The following SOHLH1 variants were observed in gnomAD, a reference collection of about 807,000 sequenced individuals.
The protein encoded by SOHLH1 is spermatogenesis- and oogenesis-specific basic helix-loop-helix-containing protein 1.
Under a neutral mutation model 36.2 loss-of-function variants are expected in SOHLH1, and 23 were observed. The ratio of observed to expected loss-of-function variants is 0.64; its 90% CI spans 0.46 to 0.90. SOHLH1 has a LOEUF of 0.90. SOHLH1 is among the 40% of genes least tolerant of loss of function. SOHLH1 has a pLI of 0.00. For missense variants in SOHLH1, 608 were observed against 517.0 expected (o/e 1.18, Z -1.71); for synonymous variants, 289 against 228.3 (o/e 1.27, Z -2.40).
At position 135,694,388 on chromosome 9, in the gene SOHLH1, C is replaced by G; in HGVS notation, c.945G>C (p.Pro315=). The G allele has an allele frequency of 6.2e-7, 1 of 1,612,664 alleles. No individual in the cohort carries two copies. The highest frequency in any genetic ancestry group is 8.5e-7 in the Non-Finnish European group (1 of 1,179,690). The change falls in exon 7 of 8, where the codon CCG becomes CCC. Residue 315 remains proline, a splice_region_variant and synonymous_variant. Coordinates refer to ENST00000425225, the MANE Select transcript of SOHLH1 (RefSeq NM_001101677.2). ...FLLTAGPSSW[P]GSLEGRGGSG... is the part of the protein sequence containing the mutation. ...CCCTGAACCCAGGGCCCCACTCACC[C>G]GGCCACGAGCTGGGACCAGCAGTCA...
Position 135,697,509 on chromosome 9 carries a change from G to C in SOHLH1, c.464C>G (p.Thr155Ser). The change falls in exon 4 of 8, where the codon ACT becomes AGT. Residue 155 changes from threonine to serine, a missense_variant. Thr to Ser is a moderately conservative substitution (Grantham distance 58). Coordinates refer to ENST00000425225, the MANE Select transcript of SOHLH1 (RefSeq NM_001101677.2). ...PDPGTGASSG[T>S]RTPDVKAFLE... ...GCGGGCCCCAGGAGACACTAACCGA[G>C]TCCCGCTGGACGCTCCCGTCCCAGG... 3 of 1,610,428 alleles carry C rather than the reference G, an allele frequency of 1.9e-6. No homozygotes were observed. Among genetic ancestry groups the C allele is most frequent in the Non-Finnish European group, 2.5e-6 (3 of 1,179,314 alleles).
chr9:135,700,715 A>G (rs1054489785), upstream of SOHLH1, among the ~76,000 whole-genome samples: 2 of 152,078 alleles, frequency 1.3e-5, no homozygotes, highest in Admixed American at 6.5e-5. Context: ...TATGTAATAT[A>G]AGGTGGTGTC....
intron 3 of SOHLH1, among the ~76,000 whole-genome samples, chr9:135,698,001 T>G (rs142490739): frequency 6.6e-6 from 1 of 151,832 alleles, no homozygotes; most frequent in Non-Finnish European, 1.5e-5. Flanking sequence ...AGAGAAATGA[T>G]CTAGGGGGTG....
intron 7 of SOHLH1, 191 bp downstream of exon 7, chr9:135,694,196 A>G: frequency 6.9e-7 from 1 of 1,443,334 alleles, no homozygotes; most frequent in Non-Finnish European, 9.1e-7. Context: ...GTTCACTCAC[A>G]CACTCACATA....
intron 2 of SOHLH1, 106 bp downstream of exon 2, chr9:135,698,889 C>T: frequency 1.3e-6 from 2 of 1,534,324 alleles, no homozygotes; most frequent in Non-Finnish European, 1.8e-6. Context: ...GGGCACAGGC[C>T]ACGAGCCCCT....
At chr9:135,697,777 A>G in intron 3 of SOHLH1, 150 bp from the exon 4 acceptor site, 1 of 965,348 alleles carries the variant, frequency 1.0e-6, no homozygotes, top group Middle Eastern at 2.2e-4. Context: ...CAGGTTGACA[A>G]CGAGGCTGAG....
chr9:135,699,949 T>G (rs547608235), upstream of SOHLH1, among the ~76,000 whole-genome samples: 1 of 151,874 alleles, frequency 6.6e-6, no homozygotes. Context: ...GGTACCCGCC[T>G]GCTCCCCAGT....
intron 1 of SOHLH1, 45 bp downstream of exon 1, chr9:135,699,358 A>G (rs771260690): frequency 1.1e-5 from 17 of 1,583,452 alleles, no homozygotes; most frequent in African/African-American, 1.3e-5. Flanking sequence ...CCCTGGGTAC[A>G]GGCCTTGGGC....
At position 135,699,039 on chromosome 9, in the gene SOHLH1, G is replaced by A. The variant is rs1293986221; in HGVS notation, c.153C>T (p.Pro51=). ...PPKAPTVAEG[P]SSCLRRNVIS... is the part of the protein sequence containing the mutation. ...TCACGTTCCGCCGAAGGCAGGAGCT[G>A]GGACCCTCGGCCACCGTAGGGGCCT... The change falls in exon 2 of 8, where the codon CCC becomes CCT. Residue 51 remains proline, a synonymous_variant. Coordinates refer to ENST00000425225, the MANE Select transcript of SOHLH1 (RefSeq NM_001101677.2). 1.2e-6 allele frequency: 2 copies of A among 1,611,520 alleles called. No homozygotes were observed. The highest frequency in any genetic ancestry group is 1.7e-6 in the Non-Finnish European group (2 of 1,179,726).
intron 2 of SOHLH1, among the ~76,000 whole-genome samples, chr9:135,698,757 C>T (rs769757764): frequency 1.3e-5 from 2 of 152,252 alleles, no homozygotes; most frequent in African/African-American, 2.4e-5. Flanking sequence ...CAGTCAGAAG[C>T]ACAGAGGGTC....
chr9:135,694,956 G>C (rs1187148560), intron 6 of SOHLH1, 94 bp downstream of exon 6: 2 of 1,347,218 alleles, frequency 1.5e-6, no homozygotes, highest in Non-Finnish European at 2.0e-6. Context: ...TGCCGAGAAA[G>C]TGGGCCCAAG....
Position 135,695,161 on chromosome 9 carries a change from A to C in SOHLH1, c.764T>G (p.Val255Gly), listed in dbSNP as rs1159147148. 1 of 1,602,756 alleles carries C rather than the reference A, an allele frequency of 6.2e-7. No homozygotes were observed. Among genetic ancestry groups the C allele is most frequent in the Non-Finnish European group, 8.5e-7 (1 of 1,176,552 alleles). ...PPFSQQQTLP[V>G]MSGEALGWLG... ...CCAGCCAAGGGCCTCCCCGCTCATC[A>C]CGGGCAAGGTCTGCTGCTGCGAGAA... Residue 255 changes from valine to glycine, a missense_variant, in exon 6 of 8, where the codon GTG becomes GGG. Transcript: ENST00000425225.
At chr9:135,696,855 G>A in intron 4 of SOHLH1, 50 bp from the exon 5 acceptor site, 4 of 1,592,386 alleles carry the variant, frequency 2.5e-6, no homozygotes, top group South Asian at 1.1e-5. Flanking sequence ...CCAGCCCCCT[G>A]GAAGGCTGCC....
At chr9:135,696,063 C>T (rs1222673746) in intron 5 of SOHLH1, among the ~76,000 whole-genome samples, 1 of 141,722 alleles carries the variant, frequency 7.1e-6, no homozygotes, top group East Asian at 2.2e-4. Flanking sequence ...AGGATGGGGC[C>T]GAGTCCCTCT....
intron 5 of SOHLH1, 136 bp downstream of exon 5, chr9:135,696,476 G>A: frequency 1.0e-6 from 1 of 1,001,170 alleles, no homozygotes; most frequent in Non-Finnish European, 1.5e-6. Flanking sequence ...TCAACACGTG[G>A]GTTTCTCACC....
At chr9:135,699,736 G>A (rs1356943848), upstream of SOHLH1, among the ~76,000 whole-genome samples, 1 of 152,018 alleles carries the variant, frequency 6.6e-6, no homozygotes, top group Non-Finnish European at 1.5e-5. Context: ...AGGGGAAGGG[G>A]CCCCAGCCCA....
upstream of SOHLH1, among the ~76,000 whole-genome samples, chr9:135,701,311 C>T (rs1200346098): frequency 2.0e-5 from 3 of 152,184 alleles, no homozygotes; most frequent in Non-Finnish European, 4.4e-5. Context: ...CTGGGGAGGC[C>T]AGGGACCACA....
In SOHLH1 at chr9:135,696,636, G is replaced by A. The variant is rs528068735; in HGVS notation, c.637C>T (p.Arg213Trp). 117 of 1,612,516 alleles carry A rather than the reference G, an allele frequency of 7.3e-5. No homozygotes were observed. Among genetic ancestry groups the A allele is most frequent in the Middle Eastern group, 6.7e-4 (4 of 6,000 alleles). The change falls in exon 5 of 8, where the codon CGG becomes TGG. Residue 213 changes from arginine to tryptophan, a missense_variant. Physicochemically the swap from Arg to Trp is moderately radical, Grantham distance 101. Transcript: ENST00000425225. Reference protein sequence around the residue: ...CEALLGLCQVRGGLPPFSEPS... With the variant: ...CEALLGLCQVWGGLPPFSEPS... The stretch of plus-strand genomic sequence containing the variant: ...CCTGAGAAAGGGGGCAGCCCACCCC[G>A]CACCTGGCACAGCCCCAACAGTGCC...
upstream of SOHLH1, among the ~76,000 whole-genome samples, chr9:135,699,913 G>A (rs993242247): frequency 6.6e-6 from 1 of 151,962 alleles, no homozygotes; most frequent in Non-Finnish European, 1.5e-5. Flanking sequence ...AGGCCTGGGG[G>A]ACCCAGGGAC....
Sources: gnomAD v4.1 joint callset for allele counts (sites outside exome capture counted in the v4.1 genomes callset) on GRCh38, gnomAD v4.1.1 for gene constraint, MANE v1.5 for transcripts, NCBI Gene and HGNC (gene_info 2026-07-23, HGNC 2026-07-21) for gene names.